The following EZH2 variants were observed in gnomAD, a reference collection of about 807,000 sequenced individuals.
EZH2 encodes enhancer of zeste 2 polycomb repressive complex 2 subunit, also known as histone-lysine N-methyltransferase EZH2.
Under a neutral mutation model 98.4 loss-of-function variants are expected in EZH2, and 18 were observed. That is an observed-to-expected ratio of 0.18 (90% CI 0.13 to 0.27). The LOEUF (loss-of-function observed/expected upper bound fraction) is 0.27, where lower values mean the gene tolerates loss of function less well. Among genes scored for constraint, EZH2 ranks in the 10% least tolerant of loss-of-function variants. The probability of loss-of-function intolerance (pLI) is 1.00; values close to 1 mark genes in which losing one functional copy is unlikely to be tolerated. For missense variants in EZH2, 470 were observed against 935.1 expected (o/e 0.50, Z 6.49); for synonymous variants, 338 against 312.3 (o/e 1.08, Z -0.87).
At chr7:148,846,738 C>A (rs1814154516) in intron 2 of EZH2, 140 bp from the exon 3 acceptor site, 2 of 714,076 alleles carry the variant, frequency 2.8e-6, no homozygotes, top group Non-Finnish European at 4.5e-6. Flanking sequence ...AGATTTTACA[C>A]TATAGTTTCC....
intron 1 of EZH2, among the ~76,000 whole-genome samples, chr7:148,882,625 T>C (rs1821173623): frequency 6.6e-6 from 1 of 152,186 alleles, no homozygotes; most frequent in African/African-American, 2.4e-5. Context: ...TGAAGAGTAA[T>C]AGAAAATAAA....
Position 148,826,445 on chromosome 7 carries a change from A to G in EZH2, c.907+9T>C, listed in dbSNP as rs1807755104. 1 of 1,549,348 alleles carries G rather than the reference A, an allele frequency of 6.5e-7. No individual in the cohort carries two copies. Among genetic ancestry groups the G allele is most frequent in the Non-Finnish European group, 8.7e-7 (1 of 1,142,930 alleles). ...AATTCCACAACAAAGATAGAAAATGAAAACGTACAATAATTGCACTTACGA... is the reference window on the plus strand; with the variant it reads ...AATTCCACAACAAAGATAGAAAATGGAAACGTACAATAATTGCACTTACGA... On this transcript the variant is annotated intron_variant, in intron 8 of 19. Coordinates refer to ENST00000320356, the MANE Select transcript of EZH2 (RefSeq NM_004456.5).
At chr7:148,828,468 T>C (rs1370870642) in intron 6 of EZH2, among the ~76,000 whole-genome samples, 2 of 151,948 alleles carry the variant, frequency 1.3e-5, no homozygotes, top group Non-Finnish European at 2.9e-5. Flanking sequence ...TTTTTACTTT[T>C]TAGTAGAGAT....
chr7:148,810,222 T>C (rs931846013), intron 17 of EZH2, 111 bp downstream of exon 17: 43 of 705,214 alleles, frequency 6.1e-5, no homozygotes, highest in Middle Eastern at 2.5e-4. Flanking sequence ...TCTAAGGAGA[T>C]CCTCCTTCTG....
chr7:148,817,098 A>C, intron 11 of EZH2, 124 bp downstream of exon 11: 1 of 930,044 alleles, frequency 1.1e-6, no homozygotes, highest in Non-Finnish European at 1.5e-6. Flanking sequence ...AAGAAAAAAA[A>C]ATTATTTTTA....
chr7:148,879,740 C>T (rs1277140188), intron 1 of EZH2, among the ~76,000 whole-genome samples: 3 of 151,866 alleles, frequency 2.0e-5, no homozygotes, highest in Admixed American at 6.6e-5. Context: ...AGCGTGGTGG[C>T]GCACGCTTGT....
At chr7:148,863,121 G>T (rs918923048) in intron 1 of EZH2, among the ~76,000 whole-genome samples, 52 of 145,910 alleles carry the variant, frequency 3.6e-4, no homozygotes, top group Admixed American at 1.4e-4. Context: ...AGAAAAAATA[G>T]TTTTGATCCC....
At chr7:148,813,869 G>T in intron 15 of EZH2, 90 bp downstream of exon 15, 1 of 1,342,838 alleles carries the variant, frequency 7.4e-7, no homozygotes, top group Non-Finnish European at 1.0e-6. Context: ...TTTACTTTTT[G>T]CCCCAGCTAA....
At position 148,875,729 on chromosome 7, in the gene EZH2, C is replaced by A. The variant is rs775277934; in HGVS notation, c.-8+8435G>T. 1.8e-4 allele frequency among the ~76,000 whole-genome samples: 27 copies of A among 152,182 alleles called. 1 individual carries two copies. Among genetic ancestry groups the A allele is most frequent in the Admixed American group, 9.8e-4 (15 of 15,280 alleles). Reference sequence around the variant, plus strand: ...TACAAAGTAAAATCAATATTTACCACTAAAACATGTCCAGGAAAGACATAC... The same window carrying A: ...TACAAAGTAAAATCAATATTTACCAATAAAACATGTCCAGGAAAGACATAC... On this transcript the variant is annotated intron_variant, in intron 1 of 19. Transcript: ENST00000320356.
In EZH2 at chr7:148,879,805, CA is replaced by C. The variant is rs566200113; in HGVS notation, c.-8+4358del. Among the ~76,000 whole-genome samples the C allele has an allele frequency of 9.3e-4, 135 of 145,386 alleles. 1 individual carries two copies. The highest frequency in any genetic ancestry group is 8.9e-3 in the East Asian group (45 of 5,040). ...AAGAATCACTTTCGAGACTCCGTCTCAAAAAAAAAAAGTATCTGGGTCAAAC... is the reference window on the plus strand; with the variant it reads ...AAGAATCACTTTCGAGACTCCGTCTCAAAAAAAAAAGTATCTGGGTCAAAC... On this transcript the variant is annotated intron_variant, in intron 1 of 19. Transcript: ENST00000320356.
intron 1 of EZH2, chr7:148,883,395 C>G (rs1294929229): frequency 1.3e-5 from 2 of 152,530 alleles, no homozygotes; most frequent in East Asian, 3.9e-4. Context: ...AGCATAAAGC[C>G]AGACCAGGCG....
chr7:148,864,260 A>C (rs764938539), intron 1 of EZH2, among the ~76,000 whole-genome samples: 27 of 152,256 alleles, frequency 1.8e-4, no homozygotes, highest in Non-Finnish European at 2.6e-4. Flanking sequence ...TTTATCTGAG[A>C]GTACTGCTTA....
intron 19 of EZH2, among the ~76,000 whole-genome samples, chr7:148,808,769 A>G (rs1316554182): frequency 6.6e-6 from 1 of 152,216 alleles, no homozygotes; most frequent in Non-Finnish European, 1.5e-5. Context: ...ACGCTCCACG[A>G]GTGAGCATGC....
chr7:148,836,303 G>T (rs1414067879), intron 3 of EZH2, among the ~76,000 whole-genome samples: 1 of 152,140 alleles, frequency 6.6e-6, no homozygotes, highest in Admixed American at 6.6e-5. Flanking sequence ...TGTATTTCTA[G>T]TATCTAGAAA....
intron 3 of EZH2, among the ~76,000 whole-genome samples, chr7:148,839,666 T>C (rs950670470): frequency 1.3e-5 from 2 of 152,052 alleles, no homozygotes; most frequent in Non-Finnish European, 2.9e-5. Flanking sequence ...TGCCTCAGCC[T>C]CCCAAGTAGC....
intron 1 of EZH2, among the ~76,000 whole-genome samples, chr7:148,861,941 T>C (rs1817736673): frequency 6.6e-6 from 1 of 152,204 alleles, no homozygotes; most frequent in Non-Finnish European, 1.5e-5. Context: ...TTGGTTCAAG[T>C]ATATGAAGAA....
intron 1 of EZH2, among the ~76,000 whole-genome samples, chr7:148,879,847 G>C (rs1490195646): frequency 6.6e-6 from 1 of 152,100 alleles, no homozygotes; most frequent in Non-Finnish European, 1.5e-5. Flanking sequence ...GGCTCAGCCT[G>C]TCATCCCTGT....
At chr7:148,838,784 G>A (rs554975737) in intron 3 of EZH2, among the ~76,000 whole-genome samples, 1 of 152,310 alleles carries the variant, frequency 6.6e-6, no homozygotes, top group South Asian at 2.1e-4. Flanking sequence ...CAGGCGCAGT[G>A]GCTCAGGCCT....
chr7:148,813,917 A>G, intron 15 of EZH2, 42 bp downstream of exon 15: 1 of 1,581,280 alleles, frequency 6.3e-7, no homozygotes, highest in Non-Finnish European at 8.6e-7. Context: ...ATCACTAAAT[A>G]GCTAACTACA....
Sources: gnomAD v4.1 joint callset for allele counts (sites outside exome capture counted in the v4.1 genomes callset) on GRCh38, gnomAD v4.1.1 for gene constraint, MANE v1.5 for transcripts, NCBI Gene and HGNC (gene_info 2026-07-23, HGNC 2026-07-21) for gene names.